TLX1: variants seen among roughly 807,000 people sequenced by gnomAD.
TLX1 encodes the protein T cell leukemia homeobox 1.
In TLX1, 6 loss-of-function variants were observed where a neutral mutation model predicts 26.5. The ratio of observed to expected loss-of-function variants is 0.23; its 90% CI spans 0.12 to 0.45. The LOEUF (loss-of-function observed/expected upper bound fraction) is 0.45, where lower values mean the gene tolerates loss of function less well. Among genes scored for constraint, TLX1 ranks in the 20% least tolerant of loss-of-function variants. The probability of loss-of-function intolerance (pLI) is 0.99; values close to 1 mark genes in which losing one functional copy is unlikely to be tolerated. For synonymous variants in TLX1, 217 were observed against 219.7 expected, an observed-to-expected ratio of 0.99 and a Z score of 0.11; for missense variants, 418 against 482.6, an observed-to-expected ratio of 0.87 and a Z score of 1.25.
Position 101,137,064 on chromosome 10 carries a change from C to A in TLX1, c.*151C>A. 9.8e-7 allele frequency: 1 copy of A among 1,022,388 alleles called. No individual in the cohort carries two copies. The highest frequency in any genetic ancestry group is 1.4e-6 in the Non-Finnish European group (1 of 719,050). 63.3% of individuals were successfully genotyped at this position (1,022,388 alleles called of 1,614,324 possible). A position where few individuals can be genotyped will look rare whatever the true frequency, so the allele number is the denominator to read the frequency against. The stretch of plus-strand genomic sequence containing the variant: ...GCCCCGAAGGGCCCCCACATTTGTG[C>A]CGACACTGTTCTCCCTTCGGTGGAA... On this transcript the variant is annotated 3_prime_UTR_variant, in exon 3 of 3. Coordinates refer to ENST00000370196, the MANE Select transcript of TLX1 (RefSeq NM_005521.4).
At position 101,131,357 on chromosome 10, in the gene TLX1, G is replaced by C. The variant is rs1173423519; in HGVS notation, c.-185G>C. On this transcript the variant is annotated 5_prime_UTR_variant, in exon 1 of 3. Transcript: ENST00000370196. ...GGAGCGGGGAAGCAGAAGCCAGAGA[G>C]GGGAAGAATACGGCGCCCCCTCTCT... The C allele has an allele frequency of 9.2e-6, 4 of 434,172 alleles. No individual in the cohort carries two copies. The highest frequency in any genetic ancestry group is 1.6e-5 in the Non-Finnish European group (4 of 251,184). 26.9% of individuals were successfully genotyped at this position (434,172 alleles called of 1,614,324 possible).
At chr10:101,134,483 T>C (rs1332777384) in intron 2 of TLX1, 107 bp downstream of exon 2, 9 of 1,283,548 alleles carry the variant, frequency 7.0e-6, no homozygotes, top group South Asian at 3.1e-5. Flanking sequence ...TCGCGGTTTC[T>C]GATCCTTTCG....
In TLX1 at chr10:101,135,390, C is replaced by G. The variant is rs957964643; in HGVS notation, c.770+1014C>G. The G allele has an allele frequency of 1.9e-5, 3 of 154,434 alleles. No homozygotes were observed. In the Admixed American group the frequency reaches 2.0e-4, roughly 10 times the overall value. The allele number at this position is 154,434 out of a possible 1,614,324, so 9.6% of individuals were successfully genotyped here. A position where few individuals can be genotyped will look rare whatever the true frequency, so the allele number is the denominator to read the frequency against. On this transcript the variant is annotated intron_variant, in intron 2 of 2. Transcript: ENST00000370196. ...GCCTGGGATTCCGCCTACGGGGCCA[C>G]AAAGGAAGCCATGGCCCCACGATTC...
Position 101,132,500 on chromosome 10 carries a change from C to T in TLX1, c.568+391C>T, listed in dbSNP as rs1192350900. Among the ~76,000 whole-genome samples the T allele has an allele frequency of 6.6e-6, 1 of 152,176 alleles. No individual in the cohort carries two copies. Among genetic ancestry groups the T allele is most frequent in the Non-Finnish European group, 1.5e-5 (1 of 68,032 alleles). ...TTCCGTCCTGGCTGCTGTTCTAGGA[C>T]CCAGGAAGCGAGCCCCAGGATCAGA... On this transcript the variant is annotated intron_variant, in intron 1 of 2. Coordinates refer to ENST00000370196, the MANE Select transcript of TLX1 (RefSeq NM_005521.4). The surrounding 1 kb of genome is among the most constrained non-coding windows in gnomAD (Gnocchi z 4.1).
Position 101,132,172 on chromosome 10 carries a change from G to T in TLX1, c.568+63G>T. ...CCGGGCTCCGTGCTACCCCTGCCCCGCCGGGTGGCTCCCCAAAGCCGGTTC... is the reference window on the plus strand; with the variant it reads ...CCGGGCTCCGTGCTACCCCTGCCCCTCCGGGTGGCTCCCCAAAGCCGGTTC... On this transcript the variant is annotated intron_variant, in intron 1 of 2. Transcript: ENST00000370196. This position sits in a 1 kb window ranked among gnomAD's most constrained non-coding sequence, Gnocchi z 4.1. 7.9e-7 allele frequency: 1 copy of T among 1,271,580 alleles called. No individual in the cohort carries two copies. The highest frequency in any genetic ancestry group is 3.1e-5 in the East Asian group (1 of 32,554). The allele number at this position is 1,271,580 out of a possible 1,614,324, so 78.8% of individuals were successfully genotyped here. A position where few individuals can be genotyped will look rare whatever the true frequency, so the allele number is the denominator to read the frequency against.
chr10:101,131,458 TG>T lies in TLX1; in HGVS notation c.-83del. The T allele has an allele frequency of 8.6e-7, 1 of 1,157,886 alleles. No homozygotes were observed. The highest frequency in any genetic ancestry group is 1.1e-6 in the Non-Finnish European group (1 of 888,862). 71.7% of individuals were successfully genotyped at this position (1,157,886 alleles called of 1,614,324 possible). On this transcript the variant is annotated 5_prime_UTR_variant, in exon 1 of 3. An upstream open reading frame in the 5' UTR loses its in-frame stop. Transcript: ENST00000370196. ...TCTCCGCGCAGCCAGGAGCCGCTGT[TG>T]CCTCCCAGCCCCTGCTAGCTGCCCC...
rs1351852633 is a variant in TLX1, at chr10:101,135,993, G to C, written c.771-698G>C. ...CTTGCAGGCTTCGCATGGCTTCATC[G>C]ATCGCCTACAAATTGCTTCTGAAGG... On this transcript the variant is annotated intron_variant, in intron 2 of 2. Coordinates refer to ENST00000370196, the MANE Select transcript of TLX1 (RefSeq NM_005521.4). Among the ~76,000 whole-genome samples, 4 of 152,200 alleles carry C rather than the reference G, an allele frequency of 2.6e-5. No homozygotes were observed. In the South Asian group the frequency reaches 6.2e-4, roughly 24 times the overall value.
chr10:101,134,123 C>T (rs1940237381), intron 1 of TLX1, 52 bp from the exon 2 acceptor site: 3 of 1,513,970 alleles, frequency 2.0e-6, no homozygotes, highest in Non-Finnish European at 8.9e-7. Context: ...TGCCGTCTGT[C>T]TGTCTCCCGC....
rs1051725 is a variant in TLX1 at position 101,137,554 on chromosome 10, A to G, written c.*641A>G. 56,472 of 233,958 alleles carry G rather than the reference A, an allele frequency of 0.24. 7,475 individuals are homozygous for G. Among genetic ancestry groups the G allele is most frequent in the Non-Finnish European group, 0.3 (35,378 of 118,576 alleles). 14.5% of individuals were successfully genotyped at this position (233,958 alleles called of 1,614,324 possible). A position where few individuals can be genotyped will look rare whatever the true frequency, so the allele number is the denominator to read the frequency against. On this transcript the variant is annotated 3_prime_UTR_variant, in exon 3 of 3. Coordinates refer to ENST00000370196, the MANE Select transcript of TLX1 (RefSeq NM_005521.4). Reference sequence around the variant, plus strand: ...ACTGTGACACACTACACCACACACAACAGCCAACAGCTACAACAGCCTCAC... The same window carrying G: ...ACTGTGACACACTACACCACACACAGCAGCCAACAGCTACAACAGCCTCAC...
chr10:101,133,131 G>C (rs2472720), intron 1 of TLX1: 1 of 152,518 alleles, frequency 6.6e-6, no homozygotes, highest in African/African-American at 2.4e-5. Flanking sequence ...TGCTGGCAGA[G>C]ATGGGGCCTC....
At position 101,131,576 on chromosome 10, in the gene TLX1, G is replaced by C. The variant is rs547819047; in HGVS notation, c.35G>C (p.Gly12Ala). The C allele has an allele frequency of 1.9e-6, 3 of 1,548,502 alleles. No homozygotes were observed. The highest frequency in any genetic ancestry group is 3.9e-5 in the Admixed American group (2 of 51,130). Residue 12 changes from glycine to alanine, a missense_variant, in exon 1 of 3, where the codon GGT becomes GCT. Coordinates refer to ENST00000370196, the MANE Select transcript of TLX1 (RefSeq NM_005521.4). Reference protein sequence around the residue: ...EHLGPHHLHPGHAEPISFGID... With the variant: ...EHLGPHHLHPAHAEPISFGID... ...CTGGGTCCGCACCACCTCCACCCGG[G>C]TCACGCAGAGCCCATTAGCTTCGGC...
chr10:101,133,769 G>A (rs1232390586), intron 1 of TLX1, among the ~76,000 whole-genome samples: 1 of 152,188 alleles, frequency 6.6e-6, no homozygotes, highest in East Asian at 1.9e-4. Flanking sequence ...TGGAGGCTCA[G>A]GTCGGGTTCC....
Position 101,131,954 on chromosome 10 carries a change from G to A in TLX1, c.413G>A (p.Arg138Lys), listed in dbSNP as rs1940185818. ...GGGGTAATCCGGGTGCCGGCACACA[G>A]GCCGCTCGCCGGAGCCGTGGCCCAC... ...AAGVIRVPAH[R>K]PLAGAVAHPQ... The change falls in exon 1 of 3, where the codon AGG (arginine) becomes AAG (lysine). Residue 138 changes from arginine to lysine, a missense_variant. Arg to Lys is a conservative substitution (Grantham distance 26). Coordinates refer to ENST00000370196, the MANE Select transcript of TLX1 (RefSeq NM_005521.4). 1 of 1,480,112 alleles carries A rather than the reference G, an allele frequency of 6.8e-7. No homozygotes were observed. Among genetic ancestry groups the A allele is most frequent in the Non-Finnish European group, 8.9e-7 (1 of 1,120,830 alleles). 91.7% of individuals were successfully genotyped at this position (1,480,112 alleles called of 1,614,324 possible).
Position 101,131,757 on chromosome 10 carries a change from G to C in TLX1, c.216G>C (p.Gly72=), listed in dbSNP as rs557943782. The change falls in exon 1 of 3, where the codon GGG becomes GGC. Residue 72 remains glycine (G), a synonymous_variant. Transcript: ENST00000370196. ...SAAATGAGGA[G]AYGTGGPGGP... The stretch of plus-strand genomic sequence containing the variant: ...CCGCGACGGGGGCTGGAGGAGCGGG[G>C]GCCTATGGTACTGGAGGTCCCGGCG... 5.7e-6 allele frequency: 8 copies of C among 1,415,780 alleles called. No individual in the cohort carries two copies. In the African/African-American group the frequency reaches 1.2e-4, roughly 21 times the overall value. The allele number at this position is 1,415,780 out of a possible 1,614,324, so 87.7% of individuals were successfully genotyped here.
intron 2 of TLX1, 52 bp from the exon 3 acceptor site, chr10:101,136,639 C>T (rs755892742): frequency 1.6e-4 from 252 of 1,612,066 alleles, no homozygotes; most frequent in Non-Finnish European, 2.1e-4. Context: ...GTTGGGCACA[C>T]GCGGGAGCTG....
At chr10:101,134,028 C>T in intron 1 of TLX1, 147 bp from the exon 2 acceptor site, 1 of 730,502 alleles carries the variant, frequency 1.4e-6, no homozygotes, top group South Asian at 1.9e-5. Context: ...GATCTCGGCC[C>T]TGCTCGTGGG....
Position 101,131,815 on chromosome 10 carries a change from T to A in TLX1, c.274T>A (p.Cys92Ser). ...AGGCCCGGCAGGCGGCGGCGGCGCC[T>A]GCAGCATGGGTCCTCTGACCGGCTC... ...PGGPAGGGGACSMGPLTGSYN... is the reference protein window; with the variant it reads ...PGGPAGGGGASSMGPLTGSYN... The change falls in exon 1 of 3, where the codon TGC (cysteine) becomes AGC (serine). Residue 92 changes from cysteine (C) to serine (S), a missense_variant. Around this residue, in one of 3 missense-constraint regions of TLX1, gnomAD observed 322 missense variants for 344.6 expected, o/e 0.93. Coordinates refer to ENST00000370196, the MANE Select transcript of TLX1 (RefSeq NM_005521.4). 1 of 1,392,804 alleles carries A rather than the reference T, an allele frequency of 7.2e-7. No homozygotes were observed. Among genetic ancestry groups the A allele is most frequent in the South Asian group, 1.7e-5 (1 of 59,934 alleles). The allele number at this position is 1,392,804 out of a possible 1,614,324, so 86.3% of individuals were successfully genotyped here. A position where few individuals can be genotyped will look rare whatever the true frequency, so the allele number is the denominator to read the frequency against.
In TLX1 at chr10:101,131,723, G is replaced by A. The variant is rs1308470020; in HGVS notation, c.182G>A (p.Gly61Asp). 1.4e-6 allele frequency: 2 copies of A among 1,457,830 alleles called. No homozygotes were observed. Among genetic ancestry groups the A allele is most frequent in the African/African-American group, 1.5e-5 (1 of 67,246 alleles). 90.3% of individuals were successfully genotyped at this position (1,457,830 alleles called of 1,614,324 possible). ...GGCGCCTACACTTACGGCGGCGGGGGCTCCGCGGCCGCGACGGGGGCTGGA... is the reference window on the plus strand; with the variant it reads ...GGCGCCTACACTTACGGCGGCGGGGACTCCGCGGCCGCGACGGGGGCTGGA... Reference protein sequence around the residue: ...VGGAYTYGGGGSAAATGAGGA... With the variant: ...VGGAYTYGGGDSAAATGAGGA... The change falls in exon 1 of 3, where the codon GGC (glycine) becomes GAC (aspartate). Residue 61 changes from glycine (G) to aspartate (D), a missense_variant. Gly to Asp is a moderately conservative substitution (Grantham distance 94). This residue lies in a region of TLX1 where 322 missense variants were observed against 344.6 expected (regional missense o/e 0.93). Transcript: ENST00000370196.
rs1940205249 is a variant in TLX1 at position 101,132,633 on chromosome 10, C to G, written c.568+524C>G. On this transcript the variant is annotated intron_variant, in intron 1 of 2. Transcript: ENST00000370196. The surrounding 1 kb of genome is among the most constrained non-coding windows in gnomAD (Gnocchi z 4.1). Reference sequence around the variant, plus strand: ...GCGGGGCCAGTGGGGGCTCTGAGCCCCGGTAAATCAGCAGAACCAGTGGCC... The same window carrying G: ...GCGGGGCCAGTGGGGGCTCTGAGCCGCGGTAAATCAGCAGAACCAGTGGCC... 7.0e-6 allele frequency: 1 copy of G among 142,858 alleles called. No homozygotes were observed. Among genetic ancestry groups the G allele is most frequent in the South Asian group, 2.4e-4 (1 of 4,196 alleles). 8.8% of individuals were successfully genotyped at this position (142,858 alleles called of 1,614,324 possible). A position where few individuals can be genotyped will look rare whatever the true frequency, so the allele number is the denominator to read the frequency against.
Sources: allele counts gnomAD v4.1 joint callset (sites outside exome capture counted in the v4.1 genomes callset), GRCh38; gene constraint gnomAD v4.1.1; regional missense constraint gnomAD v4.1.1; non-coding constraint Gnocchi (gnomAD v3.1); transcripts MANE v1.5; gene names NCBI Gene and HGNC (gene_info 2026-07-23, HGNC 2026-07-21).